CDH12: variants seen among roughly 807,000 people sequenced by gnomAD.
The protein encoded by CDH12 is cadherin-12.
Under a neutral mutation model 74.1 loss-of-function variants are expected in CDH12, and 41 were observed. That is an observed-to-expected ratio of 0.55 (90% CI 0.43 to 0.72). The LOEUF (loss-of-function observed/expected upper bound fraction) is 0.72, where lower values mean the gene tolerates loss of function less well. Among genes scored for constraint, CDH12 ranks in the 30% least tolerant of loss-of-function variants. The probability of loss-of-function intolerance (pLI) is 0.00; values close to 1 mark genes in which losing one functional copy is unlikely to be tolerated. For missense variants in CDH12, 945 were observed against 977.2 expected (o/e 0.97, Z 0.44); for synonymous variants, 399 against 355.0 (o/e 1.12, Z -1.39).
intron 3 of CDH12, among the ~76,000 whole-genome samples, 155 bp downstream of exon 3, chr5:22,405,102 C>T (rs1430228723): frequency 3.3e-5 from 5 of 151,864 alleles, no homozygotes; most frequent in Admixed American, 6.6e-5. Flanking sequence ...CCCAGCTACT[C>T]GGGAGACTGA....
At chr5:22,382,693 G>A (rs945709577) in intron 3 of CDH12, among the ~76,000 whole-genome samples, 19 of 152,162 alleles carry the variant, frequency 1.2e-4, no homozygotes, top group Non-Finnish European at 2.2e-4. Flanking sequence ...ATCTTTAACC[G>A]GAAGCATCCC....
chr5:21,825,720 C>T (rs13178987), intron 8 of CDH12, among the ~76,000 whole-genome samples: 6,470 of 152,266 alleles, frequency 0.042, 224 homozygotes, highest in East Asian at 0.15. Flanking sequence ...AATCCAGTGG[C>T]AATGTCTTAG....
intron 9 of CDH12, among the ~76,000 whole-genome samples, chr5:21,807,625 T>G (rs1330463907): frequency 6.6e-6 from 1 of 152,124 alleles, no homozygotes; most frequent in Non-Finnish European, 1.5e-5. Flanking sequence ...CTCCTCATGC[T>G]TCCAGATAAT....
At chr5:22,178,536 C>T (rs1032262126) in intron 4 of CDH12, among the ~76,000 whole-genome samples, 1 of 152,068 alleles carries the variant, frequency 6.6e-6, no homozygotes, top group African/African-American at 2.4e-5. Context: ...CTGATTGTTT[C>T]TATTAATTAA....
chr5:22,751,864 A>G (rs1359873974), intron 1 of CDH12, among the ~76,000 whole-genome samples: 1 of 152,242 alleles, frequency 6.6e-6, no homozygotes, highest in Non-Finnish European at 1.5e-5. Context: ...TTATATGAAT[A>G]TAAACATTAT....
At chr5:22,704,875 G>T (rs1742907566) in intron 1 of CDH12, among the ~76,000 whole-genome samples, 1 of 151,760 alleles carries the variant, frequency 6.6e-6, no homozygotes, top group South Asian at 2.1e-4. Flanking sequence ...ACATATTATG[G>T]TTTGAATTAA....
chr5:22,441,887 A>T (rs1214168137), intron 2 of CDH12, among the ~76,000 whole-genome samples: 1 of 151,974 alleles, frequency 6.6e-6, no homozygotes, highest in African/African-American at 2.4e-5. Context: ...TACTTTTAGT[A>T]GAGACAGGGT....
chr5:21,890,145 A>G (rs188932633), intron 6 of CDH12, among the ~76,000 whole-genome samples: 5 of 152,224 alleles, frequency 3.3e-5, no homozygotes, highest in East Asian at 1.9e-4. Flanking sequence ...GTGTATGTGT[A>G]TGTCTTACTT....
At chr5:22,630,631 A>G (rs1253422024) in intron 1 of CDH12, among the ~76,000 whole-genome samples, 1 of 152,156 alleles carries the variant, frequency 6.6e-6, no homozygotes, top group African/African-American at 2.4e-5. Flanking sequence ...TGCCACATAC[A>G]AAAATCAGCT....
At chr5:22,697,019 T>C (rs1008216239) in intron 1 of CDH12, among the ~76,000 whole-genome samples, 1 of 152,170 alleles carries the variant, frequency 6.6e-6, no homozygotes, top group African/African-American at 2.4e-5. Context: ...AGAAAATCTT[T>C]CATTAATCCT....
At chr5:22,166,382 T>G (rs1478466055) in intron 4 of CDH12, among the ~76,000 whole-genome samples, 1 of 152,204 alleles carries the variant, frequency 6.6e-6, no homozygotes, top group Non-Finnish European at 1.5e-5. Context: ...GGTCATCCCT[T>G]GAATAGAAGT....
intron 1 of CDH12, among the ~76,000 whole-genome samples, chr5:22,822,717 A>C (rs1024669597): frequency 6.6e-6 from 1 of 152,194 alleles, no homozygotes; most frequent in African/African-American, 2.4e-5. Context: ...GGCAATCATT[A>C]AAAAGTCAGG....
intron 9 of CDH12, among the ~76,000 whole-genome samples, chr5:21,803,104 A>G (rs1747229829): frequency 6.6e-6 from 1 of 152,026 alleles, no homozygotes; most frequent in Admixed American, 6.6e-5. Context: ...CAAAGCAATG[A>G]TAAACAAAAA....
At chr5:21,805,797 A>T (rs1296984901) in intron 9 of CDH12, among the ~76,000 whole-genome samples, 1 of 152,218 alleles carries the variant, frequency 6.6e-6, no homozygotes, top group Non-Finnish European at 1.5e-5. Flanking sequence ...TTTCAGTGCT[A>T]GAAAATAAAT....
chr5:22,716,486 A>G (rs1743584442), intron 1 of CDH12, among the ~76,000 whole-genome samples: 1 of 152,124 alleles, frequency 6.6e-6, no homozygotes, highest in Admixed American at 6.5e-5. Flanking sequence ...GTCACATAAA[A>G]TTCTCACACA....
chr5:22,158,046 A>G (rs1426553120), intron 4 of CDH12, among the ~76,000 whole-genome samples: 2 of 152,098 alleles, frequency 1.3e-5, no homozygotes, highest in Non-Finnish European at 2.9e-5. Flanking sequence ...CCTAGTCATG[A>G]GGTCCTCATA....
intron 1 of CDH12, among the ~76,000 whole-genome samples, chr5:22,821,133 C>A (rs1749678078): frequency 6.6e-6 from 1 of 152,120 alleles, no homozygotes; most frequent in African/African-American, 2.4e-5. Context: ...AAGACAAAAA[C>A]CACATGATTA....
In CDH12 at chr5:22,024,111, GATA is replaced by G. The variant is rs541934754; in HGVS notation, c.232-48729_232-48727del. Reference sequence around the variant, plus strand: ...AGGAAAATGTATTAATCAAATGGAGGATAATTAATAATTGAGTTTTAGCGACTT... The same window carrying G: ...AGGAAAATGTATTAATCAAATGGAGGATTAATAATTGAGTTTTAGCGACTT... On this transcript the variant is annotated intron_variant, in intron 5 of 14. Coordinates refer to ENST00000382254, the MANE Select transcript of CDH12 (RefSeq NM_004061.5). Among the ~76,000 whole-genome samples, 38 of 152,200 alleles carry G rather than the reference GATA, an allele frequency of 2.5e-4. 1 individual carries two copies. In the South Asian group the frequency reaches 7.9e-3, roughly 32 times the overall value.
intron 3 of CDH12, among the ~76,000 whole-genome samples, chr5:22,378,903 G>C (rs1347846291): frequency 1.3e-5 from 2 of 152,006 alleles, no homozygotes; most frequent in Non-Finnish European, 2.9e-5. Flanking sequence ...AATAATTTCT[G>C]CTTAAAGTAA....
Sources: gnomAD v4.1 joint callset for allele counts (sites outside exome capture counted in the v4.1 genomes callset) on GRCh38, gnomAD v4.1.1 for gene constraint, MANE v1.5 for transcripts, NCBI Gene and HGNC (gene_info 2026-07-23, HGNC 2026-07-21) for gene names.